Variants in B3GAT3 observed in about 807,000 individuals in gnomAD.
The protein encoded by B3GAT3 is galactosylgalactosylxylosylprotein 3-beta-glucuronosyltransferase 3.
In B3GAT3, 19 loss-of-function variants were observed where a neutral mutation model predicts 33.1. The ratio of observed to expected loss-of-function variants is 0.57; its 90% CI spans 0.40 to 0.84. The LOEUF is 0.84. Among genes scored for constraint, B3GAT3 ranks in the 40% least tolerant of loss-of-function variants. The pLI, the probability that B3GAT3 is intolerant of heterozygous loss-of-function variation, is 0.00. For missense variants in B3GAT3, 344 were observed against 441.5 expected, an observed-to-expected ratio of 0.78 and a Z score of 1.98; for synonymous variants, 167 against 193.5, an observed-to-expected ratio of 0.86 and a Z score of 1.14.
At chr11:62,620,940 T>G (rs1467887782) in intron 1 of B3GAT3, 1 of 555,278 alleles carries the variant, frequency 1.8e-6, no homozygotes, top group East Asian at 3.3e-5. Context: ...GGTCCTAATT[T>G]TGCCTTCTGG....
chr11:62,616,319 G>C (rs1943026200), intron 4 of B3GAT3, 187 bp downstream of exon 4: 1 of 815,662 alleles, frequency 1.2e-6, no homozygotes, highest in Non-Finnish European at 2.0e-6. Context: ...AGAACTCGGG[G>C]CAGAGTGGCA....
rs5792264 is a variant in B3GAT3, at chr11:62,619,699, C to CTTTTTTTT, written c.257+790_257+797dup. Among the ~76,000 whole-genome samples, 352 of 85,676 alleles carry CTTTTTTTT rather than the reference C, an allele frequency of 4.1e-3. 77 individuals carry two copies. The highest frequency in any genetic ancestry group is 9.6e-3 in the East Asian group (21 of 2,182). 56.2% of individuals were successfully genotyped at this position (85,676 alleles called of 152,430 possible). On this transcript the variant is annotated intron_variant, in intron 2 of 4. Coordinates refer to ENST00000265471, the MANE Select transcript of B3GAT3 (RefSeq NM_012200.4). The stretch of plus-strand genomic sequence containing the variant: ...GGCATGCACCATCACGCCTAGCTAA[C>CTTTTTTTT]TTTTTTTTTTTTTTTTTTTTTTTTT...
intron 2 of B3GAT3, among the ~76,000 whole-genome samples, chr11:62,619,093 G>C (rs1381158456): frequency 2.0e-5 from 3 of 151,970 alleles, no homozygotes; most frequent in Admixed American, 1.3e-4. Flanking sequence ...GGAGGTTGCA[G>C]TGAGCCAAGA....
At chr11:62,616,211 T>A in intron 4 of B3GAT3, 1 of 546,344 alleles carries the variant, frequency 1.8e-6, no homozygotes, top group Non-Finnish European at 3.2e-6. Context: ...GCTACTGCAC[T>A]CCAGCCTGGG....
In B3GAT3 at chr11:62,620,505, G is replaced by A. The variant is rs745418931; in HGVS notation, c.249C>T (p.Thr83=). 6.2e-7 allele frequency: 1 copy of A among 1,612,178 alleles called. No individual in the cohort carries two copies. The highest frequency in any genetic ancestry group is 8.5e-7 in the Non-Finnish European group (1 of 1,179,858). The change falls in exon 2 of 5, where the codon ACC becomes ACT. Residue 83 remains threonine (T), a synonymous_variant. Transcript: ENST00000265471. ...ALPTIYVVTP[T]YARLVQKAEL... ...TGCACCAGAGCCCATACCTGGCATA[G>A]GTGGGGGTAACAACATAGATAGTAG...
chr11:62,617,832 G>A (rs964188301), intron 2 of B3GAT3, among the ~76,000 whole-genome samples: 27 of 143,730 alleles, frequency 1.9e-4, no homozygotes, highest in African/African-American at 6.8e-4. Context: ...AGCTGAGATC[G>A]CACCATTTCA....
intron 4 of B3GAT3, chr11:62,616,290 C>G (rs1943025963): frequency 2.9e-6 from 2 of 680,252 alleles, no homozygotes; most frequent in African/African-American, 1.8e-5. Context: ...TTCATCCTCT[C>G]TGTGCCACAT....
chr11:62,620,200 T>G (rs1043815580), intron 2 of B3GAT3, among the ~76,000 whole-genome samples: 14 of 152,044 alleles, frequency 9.2e-5, no homozygotes, highest in African/African-American at 3.1e-4. Flanking sequence ...ATTTTGTATT[T>G]TTAGTAGAGA....
At position 62,617,088 on chromosome 11, in the gene B3GAT3, C is replaced by CA. The variant is rs1554968726; in HGVS notation, c.516_517insT (p.Gly173TrpfsTer22). On this transcript the variant is annotated frameshift_variant, in exon 3 of 5. Transcript: ENST00000265471. LOFTEE classifies it high-confidence loss of function. ...GGGTCCTTCTCCCCACCCACAGCAC[C>CA]CCCTCTGCCCCGGAGCCAGTCCAGG... 3.7e-6 allele frequency: 6 copies of CA among 1,614,122 alleles called. No homozygotes were observed. The highest frequency in any genetic ancestry group is 5.1e-6 in the Non-Finnish European group (6 of 1,180,028).
intron 4 of B3GAT3, chr11:62,616,210 C>G (rs1943021412): frequency 1.8e-6 from 1 of 552,154 alleles, no homozygotes; most frequent in African/African-American, 1.9e-5. Context: ...CGCTACTGCA[C>G]TCCAGCCTGG....
Position 62,616,047 on chromosome 11 carries a change from T to C in B3GAT3, c.910-248A>G. ...TCACGAGGTCAGGAGATTGAGACCATCCTGGCTAACACCGTGAAACCCCGT... is the reference window on the plus strand; with the variant it reads ...TCACGAGGTCAGGAGATTGAGACCACCCTGGCTAACACCGTGAAACCCCGT... On this transcript the variant is annotated intron_variant, in intron 4 of 4. Coordinates refer to ENST00000265471, the MANE Select transcript of B3GAT3 (RefSeq NM_012200.4). The C allele has an allele frequency of 5.8e-6, 7 of 1,205,348 alleles. No individual in the cohort carries two copies. In the South Asian group the frequency reaches 1.1e-4, roughly 19 times the overall value. 74.7% of individuals were successfully genotyped at this position (1,205,348 alleles called of 1,614,324 possible). A position where few individuals can be genotyped will look rare whatever the true frequency, so the allele number is the denominator to read the frequency against.
intron 2 of B3GAT3, among the ~76,000 whole-genome samples, chr11:62,617,620 A>G (rs1166433848): frequency 2.0e-5 from 3 of 152,056 alleles, no homozygotes; most frequent in African/African-American, 7.2e-5. Context: ...GCTCACACCT[A>G]TAATAACACT....
At chr11:62,618,164 C>T (rs188621369) in intron 2 of B3GAT3, among the ~76,000 whole-genome samples, 25 of 96,608 alleles carry the variant, frequency 2.6e-4, no homozygotes, top group Admixed American at 1.0e-3. Flanking sequence ...GCGACAAGAG[C>T]GAAACTCTGT....
Position 62,620,563 on chromosome 11 carries a change from G to A in B3GAT3, c.191C>T (p.Ala64Val), listed in dbSNP as rs1943125770. 1 of 1,612,590 alleles carries A rather than the reference G, an allele frequency of 6.2e-7. No individual in the cohort carries two copies. Among genetic ancestry groups the A allele is most frequent in the Non-Finnish European group, 8.5e-7 (1 of 1,179,418 alleles). Residue 64 changes from alanine to valine, a missense_variant, in exon 2 of 5, where the codon GCC (alanine) becomes GTC (valine). Transcript: ENST00000265471. ...CTCGGGTTCAGGGGGCTGGGCAGGG[G>A]CAGGGGGTGGCCGTCGGAGTTCCGC... ...LQAELRRPPP[A>V]PAQPPEPEAL...
rs556873322 is a variant in B3GAT3, at chr11:62,619,621, G to A, written c.257+876C>T. Among the ~76,000 whole-genome samples, 8 of 145,848 alleles carry A rather than the reference G, an allele frequency of 5.5e-5. No individual in the cohort carries two copies. The East Asian group carries it at 1.2e-3, about 23-fold the overall frequency. On this transcript the variant is annotated intron_variant, in intron 2 of 4. Coordinates refer to ENST00000265471, the MANE Select transcript of B3GAT3 (RefSeq NM_012200.4). Reference sequence around the variant, plus strand: ...ATCTCCACTCACTGCAACCTCCGCCGCCCAGGATCAAGCAATCTTCCCACC... The same window carrying A: ...ATCTCCACTCACTGCAACCTCCGCCACCCAGGATCAAGCAATCTTCCCACC...
In B3GAT3 at chr11:62,616,663, A is replaced by G. The variant is rs1293615451; in HGVS notation, c.752T>C (p.Val251Ala). ...GGCCACGGCAAATCCAGCCATATCC[A>G]CAGGGAAGGGCCTGCTGGGCTCCCA... ...TAWEPSRPFPVDMAGFAVALP... is the reference protein window; with the variant it reads ...TAWEPSRPFPADMAGFAVALP... Residue 251 changes from valine to alanine, a missense_variant, in exon 4 of 5, where the codon GTG (valine) becomes GCG (alanine). Transcript: ENST00000265471. 6.2e-7 allele frequency: 1 copy of G among 1,614,222 alleles called. No individual in the cohort carries two copies. The highest frequency in any genetic ancestry group is 1.3e-5 in the African/African-American group (1 of 75,052).
intron 4 of B3GAT3, 82 bp downstream of exon 4, chr11:62,616,424 C>A (rs1943027972): frequency 2.5e-6 from 4 of 1,583,708 alleles, no homozygotes; most frequent in South Asian, 1.1e-5. Flanking sequence ...GTTAAACCAC[C>A]CATTCCCAGG....
chr11:62,615,767 G>A lies in B3GAT3; in HGVS notation c.942C>T (p.Pro314=). ...GCAGCTGCTCCTCCTGCTTCATCTT[G>A]GGCTTCTCTGTCCGAGTATGCCACA... ...VLVWHTRTEK[P]KMKQEEQLQR... The change falls in exon 5 of 5, where the codon CCC becomes CCT. Residue 314 remains proline (P), a synonymous_variant. Transcript: ENST00000265471. The A allele has an allele frequency of 6.2e-7, 1 of 1,613,990 alleles. No homozygotes were observed. The highest frequency in any genetic ancestry group is 8.5e-7 in the Non-Finnish European group (1 of 1,180,034).
At chr11:62,620,146 C>A (rs1943117194) in intron 2 of B3GAT3, among the ~76,000 whole-genome samples, 1 of 152,224 alleles carries the variant, frequency 6.6e-6, no homozygotes, top group Admixed American at 6.5e-5. Context: ...GCCTCAGCCT[C>A]CCCAGTAGCT....
Sources: gnomAD v4.1 joint callset for allele counts (sites outside exome capture counted in the v4.1 genomes callset) on GRCh38, gnomAD v4.1.1 for gene constraint, MANE v1.5 for transcripts, NCBI Gene and HGNC (gene_info 2026-07-23, HGNC 2026-07-21) for gene names.